Variants in LGR5 observed in about 807,000 individuals in gnomAD.
LGR5 encodes leucine rich repeat containing G protein-coupled receptor 5, also known as leucine-rich repeat-containing G protein-coupled receptor 5.
In LGR5, 54 loss-of-function variants were observed where a neutral mutation model predicts 76.7. The observed-to-expected ratio is 0.70, with a 90% CI of 0.57 to 0.88. LGR5 has a LOEUF of 0.88. LGR5 is among the 40% of genes least tolerant of loss of function. LGR5 has a pLI of 0.00. For missense variants in LGR5, 1,078 were observed against 1,073.3 expected, an observed-to-expected ratio of 1.00 and a Z score of -0.06; for synonymous variants, 406 against 421.9, an observed-to-expected ratio of 0.96 and a Z score of 0.46.
intron 1 of LGR5, among the ~76,000 whole-genome samples, chr12:71,457,500 TC>T (rs1205991689): frequency 6.6e-6 from 1 of 152,144 alleles, no homozygotes; most frequent in Non-Finnish European, 1.5e-5. Context: ...GCTAAATACA[TC>T]TTTTCTGCTC....
chr12:71,528,814 A>G, intron 3 of LGR5, among the ~76,000 whole-genome samples: 1 of 152,178 alleles, frequency 6.6e-6, no homozygotes, highest in Non-Finnish European at 1.5e-5. Context: ...CTGAGAAGGC[A>G]GTTTTGTGAC....
intron 1 of LGR5, among the ~76,000 whole-genome samples, chr12:71,462,172 GA>G (rs1004952775): frequency 2.6e-5 from 4 of 152,182 alleles, no homozygotes; most frequent in Non-Finnish European, 5.9e-5. Context: ...CCAGGGATGG[GA>G]AAACTCCAAA....
intron 1 of LGR5, among the ~76,000 whole-genome samples, chr12:71,466,351 G>A (rs942215163): frequency 6.6e-6 from 1 of 152,076 alleles, no homozygotes; most frequent in Non-Finnish European, 1.5e-5. Context: ...TTTATTAAAT[G>A]GAGTTCAAAC....
chr12:71,537,731 A>C (rs915348460), intron 4 of LGR5, among the ~76,000 whole-genome samples: 1 of 152,164 alleles, frequency 6.6e-6, no homozygotes, highest in African/African-American at 2.4e-5. Flanking sequence ...GATCATTACA[A>C]ACATGCATTC....
intron 3 of LGR5, among the ~76,000 whole-genome samples, chr12:71,528,683 C>A (rs890823505): frequency 6.6e-6 from 1 of 152,114 alleles, no homozygotes; most frequent in Non-Finnish European, 1.5e-5. Flanking sequence ...GTTTTTAGAG[C>A]ACAATCATAT....
intron 16 of LGR5, among the ~76,000 whole-genome samples, chr12:71,581,915 TG>T (rs1349261928): frequency 6.6e-6 from 1 of 152,222 alleles, no homozygotes; most frequent in Non-Finnish European, 1.5e-5. Flanking sequence ...TCTGTATCTT[TG>T]GGGAAATATG....
intron 1 of LGR5, among the ~76,000 whole-genome samples, chr12:71,449,456 T>C (rs1872161880): frequency 6.6e-6 from 1 of 152,156 alleles, no homozygotes; most frequent in African/African-American, 2.4e-5. Flanking sequence ...AAGGAAATCC[T>C]AGTTAAACCA....
chr12:71,504,750 ATACT>A (rs1339982774), intron 2 of LGR5, 65 bp downstream of exon 2: 1 of 1,285,646 alleles, frequency 7.8e-7, no homozygotes, highest in Non-Finnish European at 1.1e-6. Flanking sequence ...TTTGTCTCTC[ATACT>A]TACTGTGGGA....
At chr12:71,583,485 C>T (rs1329464174) in intron 17 of LGR5, 162 bp from the exon 18 acceptor site, 1 of 750,624 alleles carries the variant, frequency 1.3e-6, no homozygotes, top group Non-Finnish European at 2.2e-6. Context: ...TCCAGGGTGA[C>T]AGTGGCTTGA....
chr12:71,521,184 T>C (rs889606196), intron 2 of LGR5, among the ~76,000 whole-genome samples: 2 of 152,194 alleles, frequency 1.3e-5, no homozygotes, highest in Non-Finnish European at 2.9e-5. Context: ...TTGAAACAGC[T>C]TTGCAAACAT....
At chr12:71,549,189 C>T (rs1877351121) in intron 4 of LGR5, among the ~76,000 whole-genome samples, 1 of 152,206 alleles carries the variant, frequency 6.6e-6, no homozygotes, top group South Asian at 2.1e-4. Context: ...GTGTGAGTGA[C>T]TGGATAGTTA....
chr12:71,584,914 C>T lies in LGR5; in HGVS notation c.*180C>T. The T allele has an allele frequency of 1.6e-6, 1 of 608,216 alleles. No individual in the cohort carries two copies. 37.7% of individuals were successfully genotyped at this position (608,216 alleles called of 1,614,324 possible). On this transcript the variant is annotated 3_prime_UTR_variant, in exon 18 of 18. Coordinates refer to ENST00000266674, the MANE Select transcript of LGR5 (RefSeq NM_003667.4). ...TTGATACTTGAGAGTGAATATAAGT[C>T]TAAATGCTGCTTTGTATAATTTGTT... is the stretch of plus-strand genomic sequence containing the variant.
In LGR5 at chr12:71,468,976, G is replaced by C. The variant is rs890235168; in HGVS notation, c.212+28684G>C. ...AAATAGCCCCCCAAATATTAAAAGT[G>C]TAATGTCACATTGTTCGAAAAGAGA... On this transcript the variant is annotated intron_variant, in intron 1 of 17. Transcript: ENST00000266674. 7.2e-5 allele frequency among the ~76,000 whole-genome samples: 11 copies of C among 152,176 alleles called. No homozygotes were observed. In the South Asian group the frequency reaches 2.1e-3, roughly 29 times the overall value.
intron 1 of LGR5, among the ~76,000 whole-genome samples, chr12:71,479,523 A>G (rs1565676205): frequency 6.6e-6 from 1 of 152,174 alleles, no homozygotes; most frequent in East Asian, 1.9e-4. Context: ...GAAAGATGTG[A>G]CCACAAACTT....
chr12:71,444,543 A>G (rs1042333715), intron 1 of LGR5, among the ~76,000 whole-genome samples: 1 of 152,146 alleles, frequency 6.6e-6, no homozygotes, highest in Admixed American at 6.5e-5. Flanking sequence ...TTTTACATAT[A>G]ATAAACATGA....
At chr12:71,575,233 A>G (rs1197179829) in intron 13 of LGR5, among the ~76,000 whole-genome samples, 1 of 152,192 alleles carries the variant, frequency 6.6e-6, no homozygotes, top group African/African-American at 2.4e-5. Context: ...AAACAAAACA[A>G]ACAAACAAAA....
In LGR5 at chr12:71,439,901, T is replaced by A. The variant is rs4463929; in HGVS notation, c.-180T>A. On this transcript the variant is annotated 5_prime_UTR_variant, in exon 1 of 18. Transcript: ENST00000266674. ...CCGGCGTGGCGGCAACCGGCACCTCTGTCCCCGCCGCGCTTCTCCTCGCCG... is the reference window on the plus strand; with the variant it reads ...CCGGCGTGGCGGCAACCGGCACCTCAGTCCCCGCCGCGCTTCTCCTCGCCG... 0.59 allele frequency: 339,308 copies of A among 571,256 alleles called. 105,273 individuals carry two copies. The highest frequency in any genetic ancestry group is 0.91 in the African/African-American group (45,393 of 49,690). The allele number at this position is 571,256 out of a possible 1,614,324, so 35.4% of individuals were successfully genotyped here.
At chr12:71,480,469 A>AGTT (rs1873546734) in intron 1 of LGR5, among the ~76,000 whole-genome samples, 1 of 151,952 alleles carries the variant, frequency 6.6e-6, no homozygotes, top group East Asian at 1.9e-4. Flanking sequence ...AGAACCTTGT[A>AGTT]CCAGACACTT....
intron 1 of LGR5, among the ~76,000 whole-genome samples, chr12:71,492,207 C>T (rs902167840): frequency 2.0e-5 from 3 of 152,102 alleles, no homozygotes; most frequent in Admixed American, 1.3e-4. Context: ...AACTCCCACT[C>T]GTAAGAACAA....
Sources: gnomAD v4.1 joint callset for allele counts (sites outside exome capture counted in the v4.1 genomes callset) on GRCh38, gnomAD v4.1.1 for gene constraint, MANE v1.5 for transcripts, NCBI Gene and HGNC (gene_info 2026-07-23, HGNC 2026-07-21) for gene names.